MCUB: variants seen among roughly 807,000 people sequenced by gnomAD.
MCUB encodes mitochondrial calcium uniporter dominant negative subunit beta.
Under a neutral mutation model 41.4 loss-of-function variants are expected in MCUB, and 46 were observed. The observed-to-expected ratio is 1.11, with a 90% CI of 0.88 to 1.42. MCUB has a LOEUF of 1.42. Ranked by LOEUF, MCUB falls within the 40% of genes most tolerant of loss-of-function variation. MCUB has a pLI of 0.00. For missense variants in MCUB, 403 were observed against 404.9 expected, an observed-to-expected ratio of 1.00 and a Z score of 0.04; for synonymous variants, 148 against 148.2, an observed-to-expected ratio of 1.00 and a Z score of 0.01.
intron 1 of MCUB, among the ~76,000 whole-genome samples, chr4:109,635,935 T>C (rs1728580601): frequency 6.6e-6 from 1 of 152,236 alleles, no homozygotes; most frequent in Non-Finnish European, 1.5e-5. Context: ...ATGCAATTAA[T>C]TATTTTGGTT....
intron 1 of MCUB, chr4:109,648,756 C>T (rs533647815): frequency 2.7e-5 from 9 of 338,558 alleles, no homozygotes; most frequent in East Asian, 1.6e-4. Flanking sequence ...TAAAGCTTGA[C>T]GCTCAGTGTG....
chr4:109,665,186 AC>A (rs1321454676), intron 4 of MCUB, among the ~76,000 whole-genome samples: 1 of 152,228 alleles, frequency 6.6e-6, no homozygotes, highest in African/African-American at 2.4e-5. Context: ...CAAATGTAGA[AC>A]TACATGTATT....
chr4:109,674,804 T>C (rs1225233454), intron 4 of MCUB, among the ~76,000 whole-genome samples: 1 of 152,260 alleles, frequency 6.6e-6, no homozygotes, highest in East Asian at 1.9e-4. Flanking sequence ...CATCTTGAAA[T>C]AGAAATATGT....
chr4:109,605,496 T>TA (rs1727849496), intron 1 of MCUB, among the ~76,000 whole-genome samples: 1 of 152,258 alleles, frequency 6.6e-6, no homozygotes, highest in Non-Finnish European at 1.5e-5. Flanking sequence ...GAAGATTGTG[T>TA]ATTCTATAGC....
At chr4:109,615,114 A>G (rs1728096679) in intron 1 of MCUB, among the ~76,000 whole-genome samples, 1 of 152,194 alleles carries the variant, frequency 6.6e-6, no homozygotes, top group South Asian at 2.1e-4. Flanking sequence ...ACAGCTGGCA[A>G]GTGCCCTCTT....
Position 109,674,021 on chromosome 4 carries a change from T to A in MCUB, c.452-8561T>A, listed in dbSNP as rs149936581. Reference sequence around the variant, plus strand: ...GGAAATACTAAAATGTCCATTCATCTGATCCACATGCGTGTGGTAGCCCAA... The same window carrying A: ...GGAAATACTAAAATGTCCATTCATCAGATCCACATGCGTGTGGTAGCCCAA... On this transcript the variant is annotated intron_variant, in intron 4 of 7. Transcript: ENST00000394650. 1.7e-4 allele frequency: 212 copies of A among 1,264,096 alleles called. No individual in the cohort carries two copies. The African/African-American group carries it at 2.9e-3, about 17-fold the overall frequency. 78.3% of individuals were successfully genotyped at this position (1,264,096 alleles called of 1,614,324 possible).
At chr4:109,677,897 GGA>G (rs1729609651) in intron 4 of MCUB, among the ~76,000 whole-genome samples, 1 of 147,280 alleles carries the variant, frequency 6.8e-6, no homozygotes, top group Non-Finnish European at 1.5e-5. Context: ...GGATAATAGT[GGA>G]GAGAAGGTCA....
At chr4:109,590,383 C>G (rs1192553559) in intron 1 of MCUB, among the ~76,000 whole-genome samples, 3 of 152,134 alleles carry the variant, frequency 2.0e-5, no homozygotes, top group African/African-American at 7.2e-5. Context: ...ATAGTGAAAA[C>G]TAAATCCAAT....
At chr4:109,625,737 T>A (rs1038313271) in intron 1 of MCUB, among the ~76,000 whole-genome samples, 1 of 152,224 alleles carries the variant, frequency 6.6e-6, no homozygotes, top group Non-Finnish European at 1.5e-5. Context: ...CAGAGTCTAG[T>A]GCATTATATA....
At chr4:109,606,982 A>T (rs893650524) in intron 1 of MCUB, among the ~76,000 whole-genome samples, 2 of 151,938 alleles carry the variant, frequency 1.3e-5, no homozygotes, top group Admixed American at 6.6e-5. Context: ...CCTGACCTTG[A>T]GTGATCCACC....
chr4:109,614,490 G>C (rs773870846), intron 1 of MCUB, among the ~76,000 whole-genome samples: 3 of 151,768 alleles, frequency 2.0e-5, no homozygotes, highest in Non-Finnish European at 4.4e-5. Flanking sequence ...TGAGGACATA[G>C]AATAAGATAG....
At chr4:109,582,128 A>T (rs1336257495) in intron 1 of MCUB, among the ~76,000 whole-genome samples, 1 of 152,144 alleles carries the variant, frequency 6.6e-6, no homozygotes, top group Admixed American at 6.6e-5. Flanking sequence ...GAACCAACCC[A>T]AATGTCCATC....
At chr4:109,654,146 A>T (rs1729025127) in intron 1 of MCUB, among the ~76,000 whole-genome samples, 1 of 151,902 alleles carries the variant, frequency 6.6e-6, no homozygotes. Flanking sequence ...TTAATTCCTC[A>T]TGTATTCAAA....
intron 4 of MCUB, chr4:109,674,174 A>G (rs890397333): frequency 1.1e-6 from 1 of 882,522 alleles, no homozygotes; most frequent in Non-Finnish European, 1.9e-6. Context: ...TAGACGTCTC[A>G]TTATTGAAGT....
At chr4:109,664,423 T>C (rs1195417408) in intron 4 of MCUB, 29 bp downstream of exon 4, 1 of 148,030 alleles carries the variant, frequency 6.8e-6, no homozygotes, top group Non-Finnish European at 1.1e-5. Context: ...CAACTATTAC[T>C]TTTTTTTTTT....
At chr4:109,654,832 A>C (rs1729053304) in intron 1 of MCUB, among the ~76,000 whole-genome samples, 1 of 152,180 alleles carries the variant, frequency 6.6e-6, no homozygotes, top group Non-Finnish European at 1.5e-5. Context: ...CTCTGGCAGC[A>C]CATGTGTGGA....
At chr4:109,605,519 T>C (rs1727850444) in intron 1 of MCUB, among the ~76,000 whole-genome samples, 1 of 152,206 alleles carries the variant, frequency 6.6e-6, no homozygotes, top group African/African-American at 2.4e-5. Flanking sequence ...TTGGATGAAA[T>C]GTTCTGTAAA....
At chr4:109,580,278 A>T (rs900925460) in intron 1 of MCUB, among the ~76,000 whole-genome samples, 20 of 152,146 alleles carry the variant, frequency 1.3e-4, no homozygotes, top group Non-Finnish European at 2.8e-4. Context: ...CCAGTCTATC[A>T]TTGATGGACA....
intron 1 of MCUB, among the ~76,000 whole-genome samples, chr4:109,645,513 GAAA>G (rs4035594): frequency 4.2e-5 from 6 of 143,034 alleles, no homozygotes; most frequent in East Asian, 4.1e-4. Context: ...CATTAAAAAA[GAAA>G]AAAAAAAAAA....
Sources: allele counts gnomAD v4.1 joint callset (sites outside exome capture counted in the v4.1 genomes callset), GRCh38; gene constraint gnomAD v4.1.1; transcripts MANE v1.5; gene names NCBI Gene and HGNC (gene_info 2026-07-23, HGNC 2026-07-21).